Variants in LPAR3 observed in about 807,000 individuals in gnomAD.
The protein encoded by LPAR3 is LPA receptor 3.
Under a neutral mutation model 17.8 loss-of-function variants are expected in LPAR3, and 7 were observed. The ratio of observed to expected loss-of-function variants is 0.39; its 90% CI spans 0.22 to 0.74. LPAR3 has a LOEUF of 0.74. Ranked by LOEUF, LPAR3 falls within the 30% of genes least tolerant of loss-of-function variation. The pLI is 0.40. For missense variants in LPAR3, 391 were observed against 453.4 expected, an observed-to-expected ratio of 0.86 and a Z score of 1.25; for synonymous variants, 179 against 179.9, an observed-to-expected ratio of 0.99 and a Z score of 0.04.
chr1:84,859,246 C>T (rs1269898472), intron 2 of LPAR3, among the ~76,000 whole-genome samples: 1 of 152,136 alleles, frequency 6.6e-6, no homozygotes, highest in Non-Finnish European at 1.5e-5. Flanking sequence ...TCACCCATTT[C>T]CTCCTAGCAT....
intron 2 of LPAR3, among the ~76,000 whole-genome samples, chr1:84,852,419 T>G (rs1444841518): frequency 6.6e-6 from 1 of 152,090 alleles, no homozygotes; most frequent in Admixed American, 6.6e-5. Context: ...TAATTGGTTA[T>G]AGGTGGTGAG....
At chr1:84,843,288 G>C (rs562042955) in intron 2 of LPAR3, among the ~76,000 whole-genome samples, 1 of 152,338 alleles carries the variant, frequency 6.6e-6, no homozygotes, top group South Asian at 2.1e-4. Context: ...TCCTGAGTAG[G>C]GGGTAGTAGT....
At chr1:84,819,012 G>A (rs1046088950) in intron 2 of LPAR3, among the ~76,000 whole-genome samples, 2 of 151,538 alleles carry the variant, frequency 1.3e-5, no homozygotes, top group Non-Finnish European at 2.9e-5. Flanking sequence ...CCCTTCCACT[G>A]GTTTGGAAGT....
At chr1:84,859,622 G>A (rs1659896850) in intron 2 of LPAR3, among the ~76,000 whole-genome samples, 1 of 152,142 alleles carries the variant, frequency 6.6e-6, no homozygotes, top group South Asian at 2.1e-4. Context: ...CCTGTTAAAT[G>A]CAACACACTC....
chr1:84,884,338 G>C (rs1293729532), intron 1 of LPAR3, among the ~76,000 whole-genome samples: 1 of 152,214 alleles, frequency 6.6e-6, no homozygotes, highest in Non-Finnish European at 1.5e-5. Context: ...TCCGCAGAAA[G>C]TAAAAATTGC....
At chr1:84,885,165 T>C (rs1260790828) in intron 1 of LPAR3, among the ~76,000 whole-genome samples, 1 of 152,164 alleles carries the variant, frequency 6.6e-6, no homozygotes, top group Non-Finnish European at 1.5e-5. Flanking sequence ...AGGCCAGGAA[T>C]GCTGCTGCAC....
rs574374370 is a variant in LPAR3 at position 84,821,406 on chromosome 1, G to A, written c.737-7235C>T. Among the ~76,000 whole-genome samples, 9 of 152,208 alleles carry A rather than the reference G, an allele frequency of 5.9e-5. No homozygotes were observed. The South Asian group carries it at 1.5e-3, about 25-fold the overall frequency. ...TACTGTTATTGAATGGTAGTTCTTC[G>A]AAGATTTTTAATCAGGGATGTGAAC... is the stretch of plus-strand genomic sequence containing the variant. On this transcript the variant is annotated intron_variant, in intron 2 of 2. Transcript: ENST00000370611.
At chr1:84,842,875 G>C (rs1195787924) in intron 2 of LPAR3, among the ~76,000 whole-genome samples, 1 of 151,936 alleles carries the variant, frequency 6.6e-6, no homozygotes, top group African/African-American at 2.4e-5. Context: ...TCTTGGAGGA[G>C]AGCAAAGAAG....
At chr1:84,845,030 A>T (rs1659570781) in intron 2 of LPAR3, among the ~76,000 whole-genome samples, 1 of 152,232 alleles carries the variant, frequency 6.6e-6, no homozygotes, top group Admixed American at 6.5e-5. Context: ...CTAGTGCCAA[A>T]GCACTTCAAT....
intron 1 of LPAR3, among the ~76,000 whole-genome samples, chr1:84,875,527 C>T (rs191767552): frequency 2.0e-5 from 3 of 152,308 alleles, no homozygotes; most frequent in Admixed American, 6.5e-5. Flanking sequence ...CTCGCATGCT[C>T]GCCTCTCCCT....
In LPAR3 at chr1:84,813,934, G is replaced by A. The variant is rs1461456203; in HGVS notation, c.974C>T (p.Ser325Phe). Reference protein sequence around the residue: ...NPERRPSRIPSTVLSRSDTGS... With the variant: ...NPERRPSRIPFTVLSRSDTGS... ...TGTGTCACTCCTGCTGAGGACTGTG[G>A]AGGGGATGCGAGAGGGACGCCTCTC... The change falls in exon 3 of 3, where the codon TCC becomes TTC. Residue 325 changes from serine to phenylalanine, a missense_variant. Ser to Phe is a radical substitution (Grantham distance 155). Transcript: ENST00000370611. 1.9e-6 allele frequency: 3 copies of A among 1,614,194 alleles called. No individual in the cohort carries two copies. Among genetic ancestry groups the A allele is most frequent in the Non-Finnish European group, 2.5e-6 (3 of 1,180,030 alleles).
chr1:84,846,935 C>T (rs1659604703), intron 2 of LPAR3, among the ~76,000 whole-genome samples: 1 of 151,930 alleles, frequency 6.6e-6, no homozygotes, highest in Admixed American at 6.6e-5. Flanking sequence ...AGGGGGCTAC[C>T]CTGTAGTTTA....
intron 2 of LPAR3, among the ~76,000 whole-genome samples, chr1:84,856,689 T>C (rs1199426680): frequency 6.6e-6 from 1 of 152,142 alleles, no homozygotes; most frequent in Non-Finnish European, 1.5e-5. Flanking sequence ...AAGGTGATAA[T>C]AGCAGCTGAC....
intron 1 of LPAR3, among the ~76,000 whole-genome samples, chr1:84,868,369 C>T (rs1557605056): frequency 1.3e-5 from 2 of 152,140 alleles, no homozygotes; most frequent in Non-Finnish European, 2.9e-5. Flanking sequence ...CTTGGCCTCC[C>T]AAAGTGCTGA....
At chr1:84,846,393 C>G (rs1247188833) in intron 2 of LPAR3, among the ~76,000 whole-genome samples, 1 of 152,146 alleles carries the variant, frequency 6.6e-6, no homozygotes, top group Non-Finnish European at 1.5e-5. Flanking sequence ...GTGATAGGCT[C>G]CTGTGTCCAA....
chr1:84,813,862 T>C lies in LPAR3; in HGVS notation c.1046A>G (p.Asn349Ser), dbSNP rs757578948. Residue 349 changes from asparagine to serine, a missense_variant, in exon 3 of 3, where the codon AAT becomes AGT. Coordinates refer to ENST00000370611, the MANE Select transcript of LPAR3 (RefSeq NM_012152.3). ...EDSISQGAVC[N>S]KSTS ...ATCCAGAGTTTAGGAAGTGCTTTTA[T>C]TGCAGACTGCACCTTGGCTAATACT... 15 of 1,612,932 alleles carry C rather than the reference T, an allele frequency of 9.3e-6. No individual in the cohort carries two copies. The East Asian group carries it at 3.1e-4, about 34-fold the overall frequency.
Position 84,842,716 on chromosome 1 carries a change from A to T in LPAR3, c.736+22669T>A, listed in dbSNP as rs2102755216. 3.9e-5 allele frequency among the ~76,000 whole-genome samples: 6 copies of T among 152,288 alleles called. 1 individual carries two copies. The Middle Eastern group carries it at 0.02, about 518-fold the overall frequency. Reference sequence around the variant, plus strand: ...GTAGGCAAATAAGGGTAGACTTGGGAGTTCTTTTCAGAAGTAGAAGATAAT... The same window carrying T: ...GTAGGCAAATAAGGGTAGACTTGGGTGTTCTTTTCAGAAGTAGAAGATAAT... On this transcript the variant is annotated intron_variant, in intron 2 of 2. Coordinates refer to ENST00000370611, the MANE Select transcript of LPAR3 (RefSeq NM_012152.3).
Position 84,864,095 on chromosome 1 carries a change from C to T in LPAR3, c.736+1290G>A, listed in dbSNP as rs147568322. On this transcript the variant is annotated intron_variant, in intron 2 of 2. Coordinates refer to ENST00000370611, the MANE Select transcript of LPAR3 (RefSeq NM_012152.3). Reference sequence around the variant, plus strand: ...GGCCTGGTGGCACAGGCCTGTAATCCCAGCTACTTGGGAGGCTGAGGTAGA... The same window carrying T: ...GGCCTGGTGGCACAGGCCTGTAATCTCAGCTACTTGGGAGGCTGAGGTAGA... Among the ~76,000 whole-genome samples, 85 of 152,072 alleles carry T rather than the reference C, an allele frequency of 5.6e-4. No individual in the cohort carries two copies. In the East Asian group the frequency reaches 9.1e-3, roughly 16 times the overall value.
chr1:84,850,412 AAAAAAGAAAAAG>A (rs538660476), intron 2 of LPAR3, among the ~76,000 whole-genome samples: 1 of 149,722 alleles, frequency 6.7e-6, no homozygotes, highest in African/African-American at 2.4e-5. Flanking sequence ...AAAAAAAAAA[AAAAAAGAAAAAG>A]AAAAAGAAAA....
Sources: allele counts gnomAD v4.1 joint callset (sites outside exome capture counted in the v4.1 genomes callset), GRCh38; gene constraint gnomAD v4.1.1; transcripts MANE v1.5; gene names NCBI Gene and HGNC (gene_info 2026-07-23, HGNC 2026-07-21).